ATRNL1: variants seen among roughly 807,000 people sequenced by gnomAD.
ATRNL1 encodes the protein attractin-like protein 1.
Under a neutral mutation model 182.7 loss-of-function variants are expected in ATRNL1, and 95 were observed. The ratio of observed to expected loss-of-function variants is 0.52; its 90% CI spans 0.44 to 0.62. ATRNL1 has a LOEUF of 0.62. ATRNL1 is among the 20% of genes least tolerant of loss of function. The pLI is 0.00. For synonymous variants in ATRNL1, 576 were observed against 568.3 expected (o/e 1.01, Z -0.19); for missense variants, 1,471 against 1,679.5 (o/e 0.88, Z 2.17).
chr10:115,221,774 C>A (rs1554897503), intron 9 of ATRNL1, among the ~76,000 whole-genome samples: 1 of 152,098 alleles, frequency 6.6e-6, no homozygotes, highest in African/African-American at 2.4e-5. Flanking sequence ...AGATTCTAAA[C>A]CCTACTCGTG....
intron 10 of ATRNL1, among the ~76,000 whole-genome samples, chr10:115,257,572 CTT>C (rs1327900354): frequency 2.0e-5 from 3 of 152,100 alleles, no homozygotes; most frequent in African/African-American, 7.2e-5. Flanking sequence ...TGGATCTTGA[CTT>C]TGTCTTTTAA....
intron 20 of ATRNL1, among the ~76,000 whole-genome samples, chr10:115,404,839 A>C (rs1844743831): frequency 6.8e-6 from 1 of 147,644 alleles, no homozygotes; most frequent in African/African-American, 2.6e-5. Context: ...TTTTAAATCA[A>C]AGCTGTTCTC....
intron 24 of ATRNL1, among the ~76,000 whole-genome samples, chr10:115,496,284 A>G (rs996200363): frequency 1.3e-5 from 2 of 152,054 alleles, no homozygotes; most frequent in Admixed American, 6.5e-5. Flanking sequence ...TTATAGTTTC[A>G]GTTATCTATG....
chr10:115,180,182 A>T (rs1298824461), intron 8 of ATRNL1, among the ~76,000 whole-genome samples: 6 of 151,930 alleles, frequency 3.9e-5, no homozygotes, highest in Admixed American at 3.9e-4. Flanking sequence ...AATTTAAAAA[A>T]ATTGTTGATT....
chr10:115,648,257 G>A (rs1410079739), intron 26 of ATRNL1, among the ~76,000 whole-genome samples: 1 of 152,032 alleles, frequency 6.6e-6, no homozygotes, highest in Non-Finnish European at 1.5e-5. Context: ...GGGATGTGAA[G>A]GACCTCTTCA....
chr10:115,375,021 T>G (rs1247502191), intron 19 of ATRNL1, among the ~76,000 whole-genome samples: 7 of 151,804 alleles, frequency 4.6e-5, no homozygotes, highest in Non-Finnish European at 8.8e-5. Context: ...CAATGTTGTT[T>G]TTTTTTTAAT....
chr10:115,690,561 C>T (rs34597035), intron 26 of ATRNL1, among the ~76,000 whole-genome samples: 56,406 of 151,950 alleles, frequency 0.37, 11,288 homozygotes, highest in Admixed American at 0.54. Context: ...AGGTTGGAGA[C>T]CCCTGGACCA....
At chr10:115,173,776 G>T in intron 8 of ATRNL1, among the ~76,000 whole-genome samples, 1 of 150,404 alleles carries the variant, frequency 6.6e-6, no homozygotes. Flanking sequence ...TTGTTTTTTT[G>T]GTCAGTCTTT....
intron 19 of ATRNL1, among the ~76,000 whole-genome samples, chr10:115,388,541 C>A (rs1446218138): frequency 1.3e-5 from 2 of 151,968 alleles, no homozygotes; most frequent in East Asian, 3.9e-4. Flanking sequence ...AAATGTGGCT[C>A]TACTTTAGCG....
At chr10:115,815,816 G>T (rs1239093926) in intron 27 of ATRNL1, among the ~76,000 whole-genome samples, 5 of 152,062 alleles carry the variant, frequency 3.3e-5, no homozygotes, top group African/African-American at 1.2e-4. Flanking sequence ...GTAGAACCCT[G>T]AATATATGCT....
chr10:115,781,257 A>G (rs1214717955), intron 27 of ATRNL1, among the ~76,000 whole-genome samples: 1 of 152,230 alleles, frequency 6.6e-6, no homozygotes, highest in Non-Finnish European at 1.5e-5. Flanking sequence ...ACTTTCGGGA[A>G]TATCCATTGC....
At chr10:115,720,018 C>A (rs1947374077) in intron 26 of ATRNL1, among the ~76,000 whole-genome samples, 2 of 151,902 alleles carry the variant, frequency 1.3e-5, no homozygotes, top group African/African-American at 4.8e-5. Flanking sequence ...CGCCACCAGG[C>A]CTGGATATAT....
chr10:115,824,235 C>G (rs1330156123), intron 27 of ATRNL1, among the ~76,000 whole-genome samples: 1 of 152,174 alleles, frequency 6.6e-6, no homozygotes, highest in Non-Finnish European at 1.5e-5. Context: ...GTGCAGAAAA[C>G]TGAAACTGAA....
chr10:115,613,345 G>T (rs57835269), intron 26 of ATRNL1, among the ~76,000 whole-genome samples: 3,025 of 152,172 alleles, frequency 0.02, 98 homozygotes, highest in African/African-American at 0.069. Flanking sequence ...ATTTGCACAT[G>T]TTGAAACACC....
chr10:115,610,749 G>A (rs868947833), intron 26 of ATRNL1, among the ~76,000 whole-genome samples: 2 of 152,116 alleles, frequency 1.3e-5, no homozygotes, highest in Admixed American at 6.6e-5. Context: ...CACGATAAAT[G>A]TTATTTAGCA....
chr10:115,885,056 G>T (rs1045143559), intron 28 of ATRNL1, among the ~76,000 whole-genome samples: 2 of 152,118 alleles, frequency 1.3e-5, no homozygotes, highest in East Asian at 1.9e-4. Flanking sequence ...TTAGAGAATA[G>T]AAATTACCAG....
chr10:115,272,001 G>C (rs1020026348), intron 13 of ATRNL1, among the ~76,000 whole-genome samples: 2 of 152,100 alleles, frequency 1.3e-5, no homozygotes, highest in South Asian at 2.1e-4. Flanking sequence ...AGGTCTGGTC[G>C]TTTAAAAGTA....
At chr10:115,390,248 G>C (rs1843950729) in intron 19 of ATRNL1, among the ~76,000 whole-genome samples, 1 of 152,000 alleles carries the variant, frequency 6.6e-6, no homozygotes, top group Non-Finnish European at 1.5e-5. Context: ...ATGTGCTTTT[G>C]GGAAAACCAA....
At chr10:115,830,138 A>G (rs1450427124) in intron 27 of ATRNL1, among the ~76,000 whole-genome samples, 1 of 152,194 alleles carries the variant, frequency 6.6e-6, no homozygotes, top group Non-Finnish European at 1.5e-5. Flanking sequence ...GGATCTCAAT[A>G]ATATTTGGTT....
Sources: gnomAD v4.1 joint callset for allele counts (sites outside exome capture counted in the v4.1 genomes callset) on GRCh38, gnomAD v4.1.1 for gene constraint, MANE v1.5 for transcripts, NCBI Gene and HGNC (gene_info 2026-07-23, HGNC 2026-07-21) for gene names.